Variants in ELAVL2 observed in about 807,000 individuals in gnomAD.
ELAVL2 encodes ELAV like RNA binding protein 2.
A neutral mutation model predicts 34.6 loss-of-function variants in ELAVL2; 4 were observed. The observed-to-expected ratio is 0.12, with a 90% CI of 0.06 to 0.26. The LOEUF is 0.26. Among genes scored for constraint, ELAVL2 ranks in the 10% least tolerant of loss-of-function variants. The probability of loss-of-function intolerance (pLI) is 1.00; values close to 1 mark genes in which losing one functional copy is unlikely to be tolerated. For missense variants in ELAVL2, 432 were observed against 442.8 expected, an observed-to-expected ratio of 0.98 and a Z score of 0.22; for synonymous variants, 193 against 154.8, an observed-to-expected ratio of 1.25 and a Z score of -1.83.
chr9:23,782,409 T>C (rs888224969), intron 1 of ELAVL2, among the ~76,000 whole-genome samples: 3 of 149,178 alleles, frequency 2.0e-5, no homozygotes, highest in Non-Finnish European at 4.5e-5. Flanking sequence ...AAATTAAAAA[T>C]ACAAAAAAAA....
At chr9:23,796,836 T>C (rs2060990140) in intron 1 of ELAVL2, among the ~76,000 whole-genome samples, 1 of 152,238 alleles carries the variant, frequency 6.6e-6, no homozygotes, top group African/African-American at 2.4e-5. Flanking sequence ...ATTCTACTGA[T>C]TCAATATCAG....
chr9:23,721,699 T>TCTGC (rs2043775476), intron 3 of ELAVL2, among the ~76,000 whole-genome samples: 1 of 152,212 alleles, frequency 6.6e-6, no homozygotes, highest in Non-Finnish European at 1.5e-5. Context: ...TCCCTCTTCC[T>TCTGC]CTGCCTACTC....
chr9:23,731,635 G>C (rs1388595812), intron 2 of ELAVL2, among the ~76,000 whole-genome samples: 1 of 152,034 alleles, frequency 6.6e-6, no homozygotes, highest in Non-Finnish European at 1.5e-5. Flanking sequence ...ACCATGTGTG[G>C]GCGTGTATAC....
chr9:23,728,380 G>A (rs1217837023), intron 3 of ELAVL2, among the ~76,000 whole-genome samples: 3 of 152,176 alleles, frequency 2.0e-5, no homozygotes, highest in Middle Eastern at 6.8e-3. Context: ...CCAAAAAGTC[G>A]GAGCTGCAAA....
chr9:23,848,835 C>T, the ELAVL2 span, among the ~76,000 whole-genome samples: 2 of 152,094 alleles, frequency 1.3e-5, no homozygotes, highest in Non-Finnish European at 2.9e-5. Flanking sequence ...TTTCTGTTTC[C>T]ATCCCAACCT....
At chr9:23,760,180 A>G (rs2054628043) in intron 2 of ELAVL2, among the ~76,000 whole-genome samples, 1 of 152,008 alleles carries the variant, frequency 6.6e-6, no homozygotes, top group African/African-American at 2.4e-5. Context: ...AAGATTGACT[A>G]GAGGTGAGAC....
chr9:23,759,754 T>TCATATATATATATATATA (rs1554719969), intron 2 of ELAVL2, among the ~76,000 whole-genome samples: 2 of 81,344 alleles, frequency 2.5e-5, no homozygotes, highest in African/African-American at 4.3e-5. Flanking sequence ...ATATATAGTA[T>TCATATATATATATATATA]TATATATATA....
chr9:23,745,725 G>C (rs993168860), intron 2 of ELAVL2, among the ~76,000 whole-genome samples: 2 of 152,124 alleles, frequency 1.3e-5, no homozygotes, highest in Admixed American at 6.6e-5. Context: ...GTTAACTGAA[G>C]GGTTTTAAAG....
At chr9:23,694,100 G>A (rs534604330) in intron 5 of ELAVL2, among the ~76,000 whole-genome samples, 1 of 152,194 alleles carries the variant, frequency 6.6e-6, no homozygotes, top group African/African-American at 2.4e-5. Flanking sequence ...CTCAGCTGAG[G>A]TCTAGAGAAG....
At chr9:23,715,211 C>G (rs543559794) in intron 3 of ELAVL2, among the ~76,000 whole-genome samples, 1 of 152,112 alleles carries the variant, frequency 6.6e-6, no homozygotes, top group Non-Finnish European at 1.5e-5. Context: ...TGCAGTGGCA[C>G]GATCTCAGCT....
At chr9:23,693,201 C>A (rs981979494) in intron 6 of ELAVL2, among the ~76,000 whole-genome samples, 1 of 152,146 alleles carries the variant, frequency 6.6e-6, no homozygotes, top group Non-Finnish European at 1.5e-5. Context: ...TCAACACATA[C>A]GTAAACATGC....
At chr9:23,749,127 G>A (rs1316724813) in intron 2 of ELAVL2, among the ~76,000 whole-genome samples, 2 of 152,018 alleles carry the variant, frequency 1.3e-5, no homozygotes, top group African/African-American at 4.8e-5. Flanking sequence ...AGGTTCAAAT[G>A]ATAAATTTTA....
intron 1 of ELAVL2, among the ~76,000 whole-genome samples, chr9:23,811,498 A>C (rs571992013): frequency 1.6e-4 from 25 of 152,180 alleles, no homozygotes; most frequent in Non-Finnish European, 2.8e-4. Flanking sequence ...ACGCAAGGAG[A>C]AGGCATAGAT....
intron 1 of ELAVL2, chr9:23,764,953 T>C: frequency 1.9e-6 from 3 of 1,543,078 alleles, no homozygotes; most frequent in Non-Finnish European, 2.7e-6. Flanking sequence ...GCCTCAGCAC[T>C]CCTCCAACAT....
intron 1 of ELAVL2, among the ~76,000 whole-genome samples, chr9:23,787,983 T>G (rs2059899773): frequency 1.3e-5 from 2 of 152,092 alleles, no homozygotes; most frequent in African/African-American, 4.8e-5. Context: ...AACACAGGCT[T>G]TAGTCCAAGC....
chr9:23,740,456 C>T lies in ELAVL2; in HGVS notation c.230-9331G>A, dbSNP rs150983314. Among the ~76,000 whole-genome samples, 514 of 152,304 alleles carry T rather than the reference C, an allele frequency of 3.4e-3. 2 individuals are homozygous for T. The highest frequency in any genetic ancestry group is 0.011 in the African/African-American group (477 of 41,568). ...CCAAACTCAGTCTTTCAAAAGTGTA[C>T]ACTTTGTTGCCTTTGGCCATGTGTG... is the stretch of plus-strand genomic sequence containing the variant. On this transcript the variant is annotated intron_variant, in intron 2 of 6. Transcript: ENST00000397312.
At chr9:23,763,356 T>G (rs13285968) in intron 1 of ELAVL2, among the ~76,000 whole-genome samples, 4,959 of 152,164 alleles carry the variant, frequency 0.033, 90 homozygotes, top group East Asian at 0.073. Context: ...TTTTCCAAAA[T>G]CATTTTCCAC....
At chr9:23,767,391 C>A (rs2056496461) in intron 1 of ELAVL2, among the ~76,000 whole-genome samples, 2 of 152,132 alleles carry the variant, frequency 1.3e-5, no homozygotes, top group African/African-American at 2.4e-5. Flanking sequence ...ATTTTCTAAT[C>A]TTACAATTAA....
chr9:23,725,833 CT>C (rs1188066935), intron 3 of ELAVL2, among the ~76,000 whole-genome samples: 3 of 152,000 alleles, frequency 2.0e-5, no homozygotes, highest in Non-Finnish European at 1.5e-5. Flanking sequence ...GTTAACATTT[CT>C]TCTTAATATG....
Sources: gnomAD v4.1 joint callset for allele counts (sites outside exome capture counted in the v4.1 genomes callset) on GRCh38, gnomAD v4.1.1 for gene constraint, MANE v1.5 for transcripts, NCBI Gene and HGNC (gene_info 2026-07-23, HGNC 2026-07-21) for gene names.